CHTF18: variants seen among roughly 807,000 people sequenced by gnomAD.
CHTF18 encodes chromosome transmission fidelity protein 18 homolog.
Under a neutral mutation model 113.4 loss-of-function variants are expected in CHTF18, and 151 were observed. That is an observed-to-expected ratio of 1.33 (90% confidence interval 1.17 to 1.52). The LOEUF is 1.52. Among genes scored for constraint, CHTF18 ranks in the 40% most tolerant of loss-of-function variants. The probability of loss-of-function intolerance (pLI) is 0.00; values close to 1 mark genes in which losing one functional copy is unlikely to be tolerated. For synonymous variants in CHTF18, 916 were observed against 598.8 expected (o/e 1.53, Z -7.74); for missense variants, 1,982 against 1,381.6 (o/e 1.43, Z -6.89).
rs1356255218 is a variant in CHTF18, at chr16:793,922, G to A, written c.1803-132G>A. The A allele has an allele frequency of 6.9e-6, 7 of 1,013,766 alleles. No individual in the cohort carries two copies. In the Admixed American group the frequency reaches 1.6e-4, roughly 24 times the overall value. The allele number at this position is 1,013,766 out of a possible 1,614,324, so 62.8% of individuals were successfully genotyped here. A position where few individuals can be genotyped will look rare whatever the true frequency, so the allele number is the denominator to read the frequency against. On this transcript the variant is annotated intron_variant, in intron 14 of 21. Transcript: ENST00000262315. Reference sequence around the variant, plus strand: ...CTTTGGCTGTCTCCACCTGAGCGAGGCAGCAAGGGCCCTGCTGAGAAGAAT... The same window carrying A: ...CTTTGGCTGTCTCCACCTGAGCGAGACAGCAAGGGCCCTGCTGAGAAGAAT...
At position 791,336 on chromosome 16, in the gene CHTF18, C is replaced by T. The variant is rs369717724; in HGVS notation, c.1070C>T (p.Ala357Val). ...HEQVLEEMLEAGLDPSQRPKQ... is the reference protein window; with the variant it reads ...HEQVLEEMLEVGLDPSQRPKQ... ...CAGGTGCTGGAGGAGATGCTGGAGGCTGGGCTGGACCCGAGCCAGCGACCG... is the reference window on the plus strand; with the variant it reads ...CAGGTGCTGGAGGAGATGCTGGAGGTTGGGCTGGACCCGAGCCAGCGACCG... Residue 357 changes from alanine (A) to valine (V), a missense_variant, in exon 8 of 22, where the codon GCT (alanine) becomes GTT (valine). Physicochemically the swap from Ala to Val is moderately conservative, Grantham distance 64 (BLOSUM62 0). Transcript: ENST00000262315. 1.7e-5 allele frequency: 27 copies of T among 1,607,894 alleles called. No homozygotes were observed. The highest frequency in any genetic ancestry group is 2.2e-5 in the Non-Finnish European group (26 of 1,179,120).
chr16:792,227 C>G lies in CHTF18; in HGVS notation c.1206C>G (p.Asp402Glu), dbSNP rs1230769833. Residue 402 changes from aspartate (D) to glutamate (E), a missense_variant, in exon 10 of 22, where the codon GAC becomes GAG. By Grantham distance (45) the Asp-to-Glu change is conservative. Coordinates refer to ENST00000262315, the MANE Select transcript of CHTF18 (RefSeq NM_022092.3). ...GYSVVEMNAS[D>E]DRSPEVFRTR... is the part of the protein sequence containing the mutation. ...ACCCCTGACCTCCCCATTGCAGTGA[C>G]GACCGTAGCCCGGAGGTCTTCCGCA... 1 of 1,570,688 alleles carries G rather than the reference C, an allele frequency of 6.4e-7. No individual in the cohort carries two copies.
At position 796,265 on chromosome 16, in the gene CHTF18, C is replaced by T. The variant is rs564145952; in HGVS notation, c.2456+188C>T. Among the ~76,000 whole-genome samples, 398 of 152,342 alleles carry T rather than the reference C, an allele frequency of 2.6e-3. 2 individuals are homozygous for T. The highest frequency in any genetic ancestry group is 4.7e-3 in the Non-Finnish European group (320 of 68,036). Reference sequence around the variant, plus strand: ...CACTTCCAGCTACTTGAGATTGGCTCTGGGACCTGAGTTTTGCTGCAGAGC... The same window carrying T: ...CACTTCCAGCTACTTGAGATTGGCTTTGGGACCTGAGTTTTGCTGCAGAGC... On this transcript the variant is annotated intron_variant, in intron 18 of 21. Transcript: ENST00000262315.
intron 4 of CHTF18, 43 bp from the exon 5 acceptor site, chr16:790,134 A>T (rs1287716946): frequency 6.4e-7 from 1 of 1,553,712 alleles, no homozygotes; most frequent in Admixed American, 1.9e-5. Context: ...GAATCCTGTG[A>T]CCTAGGAGGG....
rs981124967 is a variant in CHTF18 at position 788,746 on chromosome 16, C to T, written c.62C>T (p.Ala21Val). ...VEDDFHNQFA[A>V]ELEVLAELEG... ...GATGATTTCCACAACCAGTTCGCGG[C>T]CGAGCTGGAGGTGCTGGCAGAGCTG... The change falls in exon 1 of 22, where the codon GCC (alanine) becomes GTC (valine). Residue 21 changes from alanine (A) to valine (V), a missense_variant. Coordinates refer to ENST00000262315, the MANE Select transcript of CHTF18 (RefSeq NM_022092.3). The T allele has an allele frequency of 6.2e-7, 1 of 1,601,780 alleles. No homozygotes were observed. Among genetic ancestry groups the T allele is most frequent in the Non-Finnish European group, 8.5e-7 (1 of 1,175,342 alleles).
intron 20 of CHTF18, 96 bp from the exon 21 acceptor site, chr16:797,598 C>T (rs1055426509): frequency 3.6e-5 from 50 of 1,378,690 alleles, no homozygotes; most frequent in South Asian, 2.7e-4. Context: ...GTGTTCTGGT[C>T]CCTCCTCCCT....
At position 793,152 on chromosome 16, in the gene CHTF18, C is replaced by T. The variant is rs755351440; in HGVS notation, c.1680C>T (p.Tyr560=). The T allele has an allele frequency of 4.4e-6, 7 of 1,602,220 alleles. No individual in the cohort carries two copies. Among genetic ancestry groups the T allele is most frequent in the African/African-American group, 1.3e-5 (1 of 74,822 alleles). The change falls in exon 14 of 22, where the codon TAC becomes TAT. Residue 560 remains tyrosine, a synonymous_variant. Transcript: ENST00000262315. ...RACINTLQFL[Y]SRGQRELSVR... ...CCCCGCCCTATGTCTAGTTCCTGTA[C>T]AGCCGGGGCCAGCGGGAGCTGAGCG...
rs375493117 is a variant in CHTF18 at position 795,867 on chromosome 16, G to A, written c.2325+33G>A. 1.7e-5 allele frequency: 28 copies of A among 1,606,390 alleles called. No individual in the cohort carries two copies. The African/African-American group carries it at 1.9e-4, about 11-fold the overall frequency. ...CCGTCCCCGGGGTGGGGGATTCCCC[G>A]CCTGCTGCCCTCCTGTCCTAGGTGA... is the stretch of plus-strand genomic sequence containing the variant. On this transcript the variant is annotated intron_variant, in intron 17 of 21. Coordinates refer to ENST00000262315, the MANE Select transcript of CHTF18 (RefSeq NM_022092.3).
In CHTF18 at chr16:792,478, G is replaced by A; in HGVS notation, c.1366G>A (p.Gly456Arg). 1 of 1,586,052 alleles carries A rather than the reference G, an allele frequency of 6.3e-7. No homozygotes were observed. Among genetic ancestry groups the A allele is most frequent in the Non-Finnish European group, 8.6e-7 (1 of 1,166,730 alleles). Reference protein sequence around the residue: ...NVLLSILNRKGPQEVGPQGPA... With the variant: ...NVLLSILNRKRPQEVGPQGPA... ...CCTCCTGAGCATCCTGAACCGCAAG[G>A]GGCCACAGGAGGTGGGGCCACAGGG... The change falls in exon 11 of 22, where the codon GGG becomes AGG. Residue 456 changes from glycine (G) to arginine (R), a missense_variant. Transcript: ENST00000262315.
At chr16:797,545 A>T in intron 20 of CHTF18, 149 bp from the exon 21 acceptor site, 1 of 728,414 alleles carries the variant, frequency 1.4e-6, no homozygotes, top group Non-Finnish European at 2.3e-6. Context: ...GTGAGGGGTG[A>T]GGGGCAGCTG....
At chr16:793,619 GC>G (rs1036795966) in intron 14 of CHTF18, 25 of 529,662 alleles carry the variant, frequency 4.7e-5, no homozygotes, top group Non-Finnish European at 2.1e-5. Context: ...TGGTCTCTGA[GC>G]CCCTGCCTGC....
chr16:792,376 G>A, intron 10 of CHTF18, 29 bp downstream of exon 10: 4 of 1,561,038 alleles, frequency 2.6e-6, no homozygotes, highest in Non-Finnish European at 3.5e-6. Flanking sequence ...GGGTAGGTGG[G>A]TGGGCGGGCA....
rs530907423 is a variant in CHTF18, at chr16:795,864, C to T, written c.2325+30C>T. On this transcript the variant is annotated intron_variant, in intron 17 of 21. Coordinates refer to ENST00000262315, the MANE Select transcript of CHTF18 (RefSeq NM_022092.3). ...GTGCCGTCCCCGGGGTGGGGGATTC[C>T]CCGCCTGCTGCCCTCCTGTCCTAGG... The T allele has an allele frequency of 1.2e-5, 20 of 1,606,928 alleles. 1 individual carries two copies. The South Asian group carries it at 2.0e-4, about 16-fold the overall frequency.
intron 4 of CHTF18, chr16:789,953 T>C (rs2042134116): frequency 2.0e-6 from 3 of 1,530,954 alleles, no homozygotes; most frequent in Non-Finnish European, 2.6e-6. Flanking sequence ...CTTCCCCTCC[T>C]GCTTTTGCCC....
At position 793,219 on chromosome 16, in the gene CHTF18, C is replaced by T. The variant is rs760972737; in HGVS notation, c.1747C>T (p.Arg583Cys). The T allele has an allele frequency of 2.0e-5, 32 of 1,609,288 alleles. No homozygotes were observed. Among genetic ancestry groups the T allele is most frequent in the African/African-American group, 5.3e-5 (4 of 74,810 alleles). The change falls in exon 14 of 22, where the codon CGC becomes TGC. Residue 583 changes from arginine (R) to cysteine (C), a missense_variant. Physicochemically the swap from Arg to Cys is radical, Grantham distance 180. Transcript: ENST00000262315. ...QATRVGLKDQ[R>C]RGLFSVWQEV... ...CACACGCGTGGGCCTCAAGGACCAG[C>T]GCAGAGGGCTCTTCTCGGTGTGGCA...
chr16:791,520 G>A (rs1000336565), intron 8 of CHTF18, 150 bp downstream of exon 8: 3 of 1,437,654 alleles, frequency 2.1e-6, no homozygotes, highest in African/African-American at 2.9e-5. Flanking sequence ...AGTTAGAACT[G>A]GAGCGTTGCA....
chr16:791,948 G>A lies in CHTF18; in HGVS notation c.1202G>A (p.Ser401Asn), dbSNP rs755476937. ...TACTCTGTGGTGGAGATGAACGCCAGGTGAGTGATGTGAGGTCCGTCTCTG... is the reference window on the plus strand; with the variant it reads ...TACTCTGTGGTGGAGATGAACGCCAAGTGAGTGATGTGAGGTCCGTCTCTG... Reference protein sequence around the residue: ...AGYSVVEMNASDDRSPEVFRT... With the variant: ...AGYSVVEMNANDDRSPEVFRT... Residue 401 changes from serine (S) to asparagine (N), a missense_variant and splice_region_variant, in exon 9 of 22, where the codon AGT (serine) becomes AAT (asparagine). By Grantham distance (46) the Ser-to-Asn change is conservative. Transcript: ENST00000262315. The A allele has an allele frequency of 7.5e-6, 12 of 1,606,036 alleles. No individual in the cohort carries two copies. Among genetic ancestry groups the A allele is most frequent in the Non-Finnish European group, 1.0e-5 (12 of 1,177,044 alleles).
intron 7 of CHTF18, 68 bp downstream of exon 7, chr16:790,734 A>G (rs2042174939): frequency 6.2e-6 from 9 of 1,461,298 alleles, no homozygotes; most frequent in Non-Finnish European, 2.7e-6. Flanking sequence ...ACCTGGGCCC[A>G]GTGATTTTTG....
chr16:788,938 G>A lies in CHTF18; in HGVS notation c.99G>A (p.Ser33=), dbSNP rs1043211685. ...LEVLAELEGA[S]TPSPSGVPLF... ...AATCTCCTCTCCCAGCAGGGGCGTC[G>A]ACTCCGTCGCCCTCCGGGGTCCCCC... The change falls in exon 2 of 22, where the codon TCG becomes TCA. Residue 33 remains serine, a synonymous_variant. Transcript: ENST00000262315. 1 of 1,552,514 alleles carries A rather than the reference G, an allele frequency of 6.4e-7. No homozygotes were observed. Among genetic ancestry groups the A allele is most frequent in the Non-Finnish European group, 8.6e-7 (1 of 1,158,272 alleles).
Sources: allele counts gnomAD v4.1 joint callset (sites outside exome capture counted in the v4.1 genomes callset), GRCh38; gene constraint gnomAD v4.1.1; transcripts MANE v1.5; gene names NCBI Gene and HGNC (gene_info 2026-07-23, HGNC 2026-07-21).